Variants in MICAL3 observed in about 807,000 individuals in gnomAD.
MICAL3 encodes microtubule associated monooxygenase, calponin and LIM domain containing 3, also known as [F-actin]-monooxygenase MICAL3.
In MICAL3, 62 loss-of-function variants were observed where a neutral mutation model predicts 207.4. The observed-to-expected ratio is 0.30, with a 90% CI of 0.24 to 0.37. The LOEUF is 0.37. MICAL3 is among the 10% of genes least tolerant of loss of function. The pLI is 1.00. For synonymous variants in MICAL3, 1,077 were observed against 1,069.3 expected (o/e 1.01, Z -0.14); for missense variants, 2,368 against 2,635.6 (o/e 0.90, Z 2.22).
intron 9 of MICAL3, 129 bp downstream of exon 9, chr22:17,896,117 C>T (rs575159680): frequency 1.4e-5 from 8 of 573,280 alleles, no homozygotes; most frequent in African/African-American, 5.6e-5. Flanking sequence ...TTCCTCTTTT[C>T]CACATGAAAA....
chr22:17,806,996 G>A (rs1287800196), intron 29 of MICAL3, among the ~76,000 whole-genome samples: 5 of 152,192 alleles, frequency 3.3e-5, no homozygotes, highest in African/African-American at 4.8e-5. Flanking sequence ...AGTGCTTTAC[G>A]GAAACCACCA....
At chr22:17,912,628 T>C (rs1024136732) in intron 1 of MICAL3, among the ~76,000 whole-genome samples, 8 of 152,220 alleles carry the variant, frequency 5.3e-5, no homozygotes, top group African/African-American at 1.9e-4. Context: ...TTTCAGACTG[T>C]TCACTATTAG....
At chr22:17,950,626 T>C (rs1569144142) in intron 1 of MICAL3, among the ~76,000 whole-genome samples, 1 of 152,084 alleles carries the variant, frequency 6.6e-6, no homozygotes, top group African/African-American at 2.4e-5. Flanking sequence ...CGTGAGCCAC[T>C]GCGCCCGGCC....
intron 1 of MICAL3, among the ~76,000 whole-genome samples, chr22:17,984,153 T>C (rs1033148149): frequency 2.0e-5 from 3 of 152,180 alleles, no homozygotes; most frequent in Non-Finnish European, 4.4e-5. Context: ...TCCATCTATC[T>C]GACATCTTGT....
chr22:17,832,185 G>C, intron 20 of MICAL3, 78 bp from the exon 21 acceptor site: 2 of 1,501,126 alleles, frequency 1.3e-6, no homozygotes, highest in South Asian at 2.5e-5. Flanking sequence ...GCCACCATCA[G>C]AAACAATGCA....
chr22:17,863,647 T>C lies in MICAL3; in HGVS notation c.2605+1252A>G, dbSNP rs577626135. The C allele has an allele frequency of 3.0e-6, 3 of 985,484 alleles. No individual in the cohort carries two copies. In the South Asian group the frequency reaches 1.4e-4, roughly 46 times the overall value. 61.0% of individuals were successfully genotyped at this position (985,484 alleles called of 1,614,324 possible). ...TAAGGGCACGTGCAGTAGCAGAAGC[T>C]GCGTTCACCTGGCTTGGCTGGGTTC... On this transcript the variant is annotated intron_variant, in intron 19 of 31. Transcript: ENST00000441493.
In MICAL3 at chr22:17,790,225, G is replaced by A. The variant is rs1258372870; in HGVS notation, c.*507C>T. The A allele has an allele frequency of 1.3e-5, 2 of 154,154 alleles. No homozygotes were observed. Among genetic ancestry groups the A allele is most frequent in the African/African-American group, 4.8e-5 (2 of 41,452 alleles). 9.5% of individuals were successfully genotyped at this position (154,154 alleles called of 1,614,324 possible). On this transcript the variant is annotated 3_prime_UTR_variant, in exon 32 of 32. Transcript: ENST00000441493. ...ACCTCCATGTCTCCTGTGATGCTGG[G>A]GTGGGCATGACTGGACGCCCCCATC...
intron 1 of MICAL3, among the ~76,000 whole-genome samples, chr22:18,021,441 C>T (rs1013899754): frequency 5.3e-5 from 8 of 152,334 alleles, no homozygotes; most frequent in Middle Eastern, 3.4e-3. Flanking sequence ...GCATGCCCAT[C>T]GCCCAGCTCA....
intron 1 of MICAL3, among the ~76,000 whole-genome samples, chr22:17,942,579 T>TGAA (rs1412549675): frequency 2.0e-5 from 3 of 152,222 alleles, no homozygotes; most frequent in African/African-American, 7.2e-5. Context: ...TCACCGAGTC[T>TGAA]GAAGACAGTC....
intron 1 of MICAL3, among the ~76,000 whole-genome samples, chr22:18,000,276 CCA>C (rs945443198): frequency 5.3e-5 from 8 of 151,714 alleles, no homozygotes; most frequent in African/African-American, 1.7e-4. Context: ...GTCCACCTGT[CCA>C]CAGTTGACCT....
chr22:17,816,672 C>A lies in MICAL3; in HGVS notation c.5445+18G>T. ...ACAGGGCCCCAGGCCCTGTGAAGCC[C>A]CCTGCCTGACTACCCACCTCTCGCC... On this transcript the variant is annotated intron_variant, in intron 27 of 31. Coordinates refer to ENST00000441493, the MANE Select transcript of MICAL3 (RefSeq NM_015241.3). The A allele has an allele frequency of 6.5e-7, 1 of 1,544,838 alleles. No homozygotes were observed. The highest frequency in any genetic ancestry group is 1.2e-5 in the South Asian group (1 of 83,928).
At chr22:17,976,531 A>ATGTGTGTGTGTGTG (rs1239655452) in intron 1 of MICAL3, among the ~76,000 whole-genome samples, 16 of 114,722 alleles carry the variant, frequency 1.4e-4, no homozygotes, top group African/African-American at 6.2e-4. Context: ...ATATGTGTAT[A>ATGTGTGTGTGTGTG]TATATGTGTG....
chr22:17,941,772 T>C (rs1318783426), intron 1 of MICAL3, among the ~76,000 whole-genome samples: 1 of 152,232 alleles, frequency 6.6e-6, no homozygotes, highest in Non-Finnish European at 1.5e-5. Context: ...ACTTTAAAAC[T>C]ACACCAATGT....
intron 1 of MICAL3, among the ~76,000 whole-genome samples, chr22:17,955,442 C>G (rs764995368): frequency 6.3e-4 from 96 of 152,204 alleles, no homozygotes; most frequent in Non-Finnish European, 1.0e-3. Flanking sequence ...ATGTCCTCCC[C>G]CTCAGGAGGG....
chr22:17,955,695 G>A (rs1934578283), intron 1 of MICAL3, among the ~76,000 whole-genome samples: 1 of 152,334 alleles, frequency 6.6e-6, no homozygotes, highest in Non-Finnish European at 1.5e-5. Flanking sequence ...CATTTTCTAA[G>A]ATGAACCCCA....
rs1405324038 is a variant in MICAL3 at position 17,821,491 on chromosome 22, C to A, written c.3467G>T (p.Ser1156Ile). ...HQERGPSQAT[S>I]PIRSPQESAL... The stretch of plus-strand genomic sequence containing the variant: ...TGATTCCTGGGGAGACCGGATGGGG[C>A]TGGTGGCTTGGGAGGGACCTGAAAA... The change falls in exon 25 of 32, where the codon AGC (serine) becomes ATC (isoleucine). Residue 1156 changes from serine (S) to isoleucine (I), a missense_variant. By Grantham distance (142) the Ser-to-Ile change is moderately radical. Around this residue, in one of 4 missense-constraint regions of MICAL3, gnomAD observed 1,770 missense variants for 1,863.2 expected, o/e 0.95. Coordinates refer to ENST00000441493, the MANE Select transcript of MICAL3 (RefSeq NM_015241.3). The A allele has an allele frequency of 1.2e-5, 18 of 1,541,096 alleles. No individual in the cohort carries two copies. The highest frequency in any genetic ancestry group is 1.7e-4 in the Middle Eastern group (1 of 5,902).
chr22:17,977,293 G>T (rs9617648), intron 1 of MICAL3, among the ~76,000 whole-genome samples: 40,923 of 151,998 alleles, frequency 0.27, 5,959 homozygotes, highest in African/African-American at 0.37. Flanking sequence ...ATCAGGTAAC[G>T]GATAGGGAAC....
At position 17,904,572 on chromosome 22, in the gene MICAL3, C is replaced by T. The variant is rs960850116; in HGVS notation, c.472+60G>A. The T allele has an allele frequency of 5.5e-5, 70 of 1,283,162 alleles. 1 individual carries two copies. In the South Asian group the frequency reaches 7.0e-4, roughly 13 times the overall value. The allele number at this position is 1,283,162 out of a possible 1,614,324, so 79.5% of individuals were successfully genotyped here. The stretch of plus-strand genomic sequence containing the variant: ...CCTCAGCTAATCTGCCTGTCTCTTT[C>T]TACTGAACAAGCGTGCAAGGGGTAG... On this transcript the variant is annotated intron_variant, in intron 3 of 31. Transcript: ENST00000441493.
At chr22:17,978,101 T>C (rs1270946701) in intron 1 of MICAL3, among the ~76,000 whole-genome samples, 2 of 152,266 alleles carry the variant, frequency 1.3e-5, no homozygotes, top group East Asian at 1.9e-4. Context: ...TGACTATTCA[T>C]AGCAATATTC....
Sources: allele counts gnomAD v4.1 joint callset (sites outside exome capture counted in the v4.1 genomes callset), GRCh38; gene constraint gnomAD v4.1.1; regional missense constraint gnomAD v4.1.1; transcripts MANE v1.5; gene names NCBI Gene and HGNC (gene_info 2026-07-23, HGNC 2026-07-21).